Variants in DDX55 observed in about 807,000 individuals in gnomAD.
The protein encoded by DDX55 is ATP-dependent RNA helicase DDX55.
A neutral mutation model predicts 69.2 loss-of-function variants in DDX55; 56 were observed. The ratio of observed to expected loss-of-function variants is 0.81; its 90% CI spans 0.65 to 1.01. The LOEUF is 1.01. DDX55 is among the 50% of genes least tolerant of loss of function. DDX55 has a pLI of 0.00. For synonymous variants in DDX55, 268 were observed against 273.1 expected (o/e 0.98, Z 0.18); for missense variants, 720 against 745.1 (o/e 0.97, Z 0.39).
intron 7 of DDX55, 43 bp downstream of exon 7, chr12:123,610,171 T>C: frequency 6.3e-7 from 1 of 1,578,128 alleles, no homozygotes; most frequent in East Asian, 2.3e-5. Flanking sequence ...TAATGACCAG[T>C]GCTCATTTTA....
chr12:123,617,392 C>T (rs1362572677), intron 10 of DDX55, among the ~76,000 whole-genome samples: 1 of 152,158 alleles, frequency 6.6e-6, no homozygotes, highest in Non-Finnish European at 1.5e-5. Flanking sequence ...AGGAAAATGC[C>T]TATAAACCCC....
chr12:123,615,435 C>A, intron 9 of DDX55, 119 bp downstream of exon 9: 1 of 1,383,484 alleles, frequency 7.2e-7, no homozygotes, highest in East Asian at 2.6e-5. Flanking sequence ...TGCCTGGAAC[C>A]CTCTTCCCTC....
At chr12:123,618,979 T>C (rs1954922021) in intron 12 of DDX55, 142 bp downstream of exon 12, 2 of 1,271,178 alleles carry the variant, frequency 1.6e-6, no homozygotes, top group Non-Finnish European at 2.1e-6. Flanking sequence ...GGCTGCTGAG[T>C]ATTCCTTTTA....
intron 11 of DDX55, 113 bp downstream of exon 11, chr12:123,617,985 C>G: frequency 2.1e-6 from 2 of 938,502 alleles, no homozygotes; most frequent in Non-Finnish European, 1.6e-6. Flanking sequence ...TGGGGCTGGG[C>G]TGGTGGTGGC....
intron 3 of DDX55, 115 bp downstream of exon 3, chr12:123,606,274 A>G: frequency 1.6e-6 from 2 of 1,265,064 alleles, no homozygotes; most frequent in Non-Finnish European, 2.1e-6. Context: ...CACGCCTGTA[A>G]TCCCAGCACT....
chr12:123,620,592 A>T lies in DDX55; in HGVS notation c.*452A>T, dbSNP rs1258539348. ...ACATATGTACATATTATATATATAT[A>T]TATATATATATATATATATATATAT... is the stretch of plus-strand genomic sequence containing the variant. On this transcript the variant is annotated 3_prime_UTR_variant, in exon 14 of 14. Coordinates refer to ENST00000238146, the MANE Select transcript of DDX55 (RefSeq NM_020936.3). The T allele has an allele frequency of 1.5e-5, 1 of 64,842 alleles. No homozygotes were observed. Among genetic ancestry groups the T allele is most frequent in the African/African-American group, 5.1e-5 (1 of 19,732 alleles). 4.0% of individuals were successfully genotyped at this position (64,842 alleles called of 1,614,324 possible).
At position 123,614,200 on chromosome 12, in the gene DDX55, G is replaced by A. The variant is rs920911737; in HGVS notation, c.824+948G>A. On this transcript the variant is annotated intron_variant, in intron 8 of 13. Coordinates refer to ENST00000238146, the MANE Select transcript of DDX55 (RefSeq NM_020936.3). ...CTCCAGCTGTTAATTTTTTTAAAAT[G>A]CTGGTCGAGACCCACTAAATTGATT... Among the ~76,000 whole-genome samples the A allele has an allele frequency of 2.6e-5, 4 of 152,132 alleles. No homozygotes were observed. The East Asian group carries it at 7.7e-4, about 29-fold the overall frequency.
rs17852729 is a variant in DDX55, at chr12:123,615,215, G to C, written c.855G>C (p.Lys285Asn). The stretch of plus-strand genomic sequence containing the variant: ...GTGCCTGTGTGGAATACTATGGGAA[G>C]GCTCTGGAAGTGCTGGTGAAGGGCG... ...STCACVEYYG[K>N]ALEVLVKGVK... Residue 285 changes from lysine (K) to asparagine (N), a missense_variant, in exon 9 of 14, where the codon AAG becomes AAC. By Grantham distance (94) the Lys-to-Asn change is moderately conservative. Transcript: ENST00000238146. 1.2e-6 allele frequency: 2 copies of C among 1,614,028 alleles called. No homozygotes were observed. Among genetic ancestry groups the C allele is most frequent in the African/African-American group, 2.7e-5 (2 of 74,926 alleles).
rs1008535041 is a variant in DDX55, at chr12:123,617,959, C to T, written c.1164+87C>T. On this transcript the variant is annotated intron_variant, in intron 11 of 13. Transcript: ENST00000238146. ...AGCATGTGGTCAGCAATTGAAATTACGAATTGCAAACTCACTGGGGCTGGG... is the reference window on the plus strand; with the variant it reads ...AGCATGTGGTCAGCAATTGAAATTATGAATTGCAAACTCACTGGGGCTGGG... 9.0e-6 allele frequency: 12 copies of T among 1,328,364 alleles called. 1 individual carries two copies. Among genetic ancestry groups the T allele is most frequent in the African/African-American group, 2.9e-5 (2 of 69,324 alleles). The allele number at this position is 1,328,364 out of a possible 1,614,324, so 82.3% of individuals were successfully genotyped here. A position where few individuals can be genotyped will look rare whatever the true frequency, so the allele number is the denominator to read the frequency against.
chr12:123,613,630 T>C (rs1269511099), intron 8 of DDX55, among the ~76,000 whole-genome samples: 2 of 152,216 alleles, frequency 1.3e-5, no homozygotes, highest in Non-Finnish European at 2.9e-5. Context: ...ATGTTAGCTA[T>C]ATCCATGCCT....
At chr12:123,616,352 AT>A (rs1175422300) in intron 9 of DDX55, among the ~76,000 whole-genome samples, 158 bp from the exon 10 acceptor site, 2 of 152,118 alleles carry the variant, frequency 1.3e-5, no homozygotes, top group East Asian at 3.9e-4. Context: ...AGTCCCAGAG[AT>A]TTGTAGAAAG....
At chr12:123,607,578 A>G (rs1422436427) in intron 4 of DDX55, 22 bp from the exon 5 acceptor site, 5 of 1,614,058 alleles carry the variant, frequency 3.1e-6, no homozygotes, top group African/African-American at 1.3e-5. Flanking sequence ...GAACTTAATC[A>G]AAGGCTGTTT....
chr12:123,607,669 TTGCTCGTGTC>T lies in DDX55; in HGVS notation c.401+12_401+21del. 1 of 1,614,082 alleles carries T rather than the reference TTGCTCGTGTC, an allele frequency of 6.2e-7. No individual in the cohort carries two copies. Among genetic ancestry groups the T allele is most frequent in the Non-Finnish European group, 8.5e-7 (1 of 1,180,024 alleles). ...AGAGGTTTAAGCAACAAGGGTGAGT[TTGCTCGTGTC>T]TGCTTGTTTCTTTGCTTGCTTTTGG... On this transcript the variant is annotated splice_region_variant and intron_variant, in intron 5 of 13. Coordinates refer to ENST00000238146, the MANE Select transcript of DDX55 (RefSeq NM_020936.3).
chr12:123,607,580 A>G lies in DDX55; in HGVS notation c.339-20A>G. On this transcript the variant is annotated intron_variant, in intron 4 of 13. Transcript: ENST00000238146. The stretch of plus-strand genomic sequence containing the variant: ...GGGCTGTTTTGTCGAACTTAATCAA[A>G]GGCTGTTTTCTTGTTGTAGCCAGAT... 2 of 1,614,200 alleles carry G rather than the reference A, an allele frequency of 1.2e-6. No individual in the cohort carries two copies. Among genetic ancestry groups the G allele is most frequent in the South Asian group, 2.2e-5 (2 of 91,084 alleles).
Position 123,618,345 on chromosome 12 carries a change from C to G in DDX55, c.1165-324C>G, listed in dbSNP as rs773713110. ...GGGCTTTAAGGCTGTGGAGGCACCT[C>G]GGTCATGGAGTGACCAAGTCTCCTG... On this transcript the variant is annotated intron_variant, in intron 11 of 13. Coordinates refer to ENST00000238146, the MANE Select transcript of DDX55 (RefSeq NM_020936.3). 3 of 618,604 alleles carry G rather than the reference C, an allele frequency of 4.8e-6. No homozygotes were observed. In the Admixed American group the frequency reaches 5.7e-5, roughly 12 times the overall value. The allele number at this position is 618,604 out of a possible 1,614,324, so 38.3% of individuals were successfully genotyped here. A position where few individuals can be genotyped will look rare whatever the true frequency, so the allele number is the denominator to read the frequency against.
chr12:123,602,653 A>G (rs956380055), intron 1 of DDX55, among the ~76,000 whole-genome samples: 3 of 152,244 alleles, frequency 2.0e-5, no homozygotes, highest in African/African-American at 7.2e-5. Flanking sequence ...ATGGGAGCTC[A>G]GTAAGGGTTA....
intron 3 of DDX55, among the ~76,000 whole-genome samples, chr12:123,606,583 C>T (rs1294925910): frequency 7.2e-6 from 1 of 138,500 alleles, no homozygotes; most frequent in Admixed American, 7.5e-5. Flanking sequence ...TGTTTTTTAC[C>T]TTTTTTTTTT....
intron 6 of DDX55, 91 bp from the exon 7 acceptor site, chr12:123,609,848 G>A (rs1593693378): frequency 2.7e-6 from 4 of 1,455,570 alleles, no homozygotes; most frequent in Non-Finnish European, 2.8e-6. Context: ...TTCACTTTCA[G>A]TCTTTTTGAA....
At position 123,619,620 on chromosome 12, in the gene DDX55, G is replaced by A. The variant is rs1954996865; in HGVS notation, c.1522G>A (p.Glu508Lys). The A allele has an allele frequency of 1.2e-6, 2 of 1,611,696 alleles. No individual in the cohort carries two copies. Among genetic ancestry groups the A allele is most frequent in the East Asian group, 4.5e-5 (2 of 44,712 alleles). The change falls in exon 13 of 14, where the codon GAA becomes AAA. Residue 508 changes from glutamate (E) to lysine (K), a missense_variant. Coordinates refer to ENST00000238146, the MANE Select transcript of DDX55 (RefSeq NM_020936.3). ...GGAGCAACAAAGAAGAGAGAAAACA[G>A]AAAATGAAGGGAGAAGAAAATTCAT... ...LLEQQRREKT[E>K]NEGRRKFIKN...
Sources: gnomAD v4.1 joint callset for allele counts (sites outside exome capture counted in the v4.1 genomes callset) on GRCh38, gnomAD v4.1.1 for gene constraint, MANE v1.5 for transcripts, NCBI Gene and HGNC (gene_info 2026-07-23, HGNC 2026-07-21) for gene names.